The following ASCC1 variants were observed in gnomAD, a reference collection of about 807,000 sequenced individuals.
ASCC1 encodes the protein ASC-1 complex subunit P50.
ASCC1 carries 35 observed loss-of-function variants against 46.6 expected under a neutral mutation model. The observed-to-expected ratio is 0.75, with a 90% CI of 0.57 to 0.99. The LOEUF (loss-of-function observed/expected upper bound fraction) is 0.99, where lower values mean the gene tolerates loss of function less well. Ranked by LOEUF, ASCC1 falls within the 50% of genes least tolerant of loss-of-function variation. The pLI, the probability that ASCC1 is intolerant of heterozygous loss-of-function variation, is 0.00. For missense variants in ASCC1, 376 were observed against 428.7 expected (o/e 0.88, Z 1.09); for synonymous variants, 143 against 146.6 (o/e 0.98, Z 0.18).
chr10:72,118,680 G>A (rs1276715051), intron 9 of ASCC1, among the ~76,000 whole-genome samples: 3 of 151,866 alleles, frequency 2.0e-5, no homozygotes, highest in Non-Finnish European at 2.9e-5. Context: ...TCAGGATGCT[G>A]AGGCAGGAGA....
chr10:72,156,452 G>T (rs1848969676), intron 6 of ASCC1, among the ~76,000 whole-genome samples: 1 of 152,184 alleles, frequency 6.6e-6, no homozygotes, highest in Non-Finnish European at 1.5e-5. Flanking sequence ...AAGTAAAAAT[G>T]TGGTACTGCC....
intron 5 of ASCC1, among the ~76,000 whole-genome samples, chr10:72,184,504 T>C (rs1202084757): frequency 1.3e-5 from 2 of 152,108 alleles, no homozygotes; most frequent in African/African-American, 4.8e-5. Flanking sequence ...AAAAGAAGGT[T>C]AGAATGGTTA....
rs1252612826 is a variant in ASCC1 at position 72,096,211 on chromosome 10, G to C, written c.*1123C>G. 6 of 454,046 alleles carry C rather than the reference G, an allele frequency of 1.3e-5. No individual in the cohort carries two copies. Among genetic ancestry groups the C allele is most frequent in the Non-Finnish European group, 2.6e-5 (6 of 226,806 alleles). The allele number at this position is 454,046 out of a possible 1,614,324, so 28.1% of individuals were successfully genotyped here. On this transcript the variant is annotated 3_prime_UTR_variant, in exon 10 of 10. Transcript: ENST00000672957. ...GGAGAAGAAGGAGAGGACATGGAGG[G>C]AGGAAGAATGTGAGGAGGCAGGGGT...
At chr10:72,185,172 T>C (rs1326530913) in intron 5 of ASCC1, among the ~76,000 whole-genome samples, 2 of 152,202 alleles carry the variant, frequency 1.3e-5, no homozygotes, top group Admixed American at 6.5e-5. Context: ...CACACATCAT[T>C]TGTAGCAGTG....
chr10:72,106,984 C>G (rs990670097), intron 9 of ASCC1, among the ~76,000 whole-genome samples: 1 of 152,102 alleles, frequency 6.6e-6, no homozygotes, highest in African/African-American at 2.4e-5. Flanking sequence ...TGTGCATATA[C>G]AACCAGATAG....
intron 2 of ASCC1, among the ~76,000 whole-genome samples, chr10:72,211,446 G>C (rs550784517): frequency 1.3e-5 from 2 of 152,216 alleles, no homozygotes; most frequent in Admixed American, 1.3e-4. Flanking sequence ...AAGATTAGCT[G>C]GGCATGATGG....
At chr10:72,134,823 G>A (rs1846002945) in intron 7 of ASCC1, among the ~76,000 whole-genome samples, 1 of 151,926 alleles carries the variant, frequency 6.6e-6, no homozygotes, top group Non-Finnish European at 1.5e-5. Context: ...TTACAAGGGG[G>A]AAAAAAGGAA....
In ASCC1 at chr10:72,140,233, T is replaced by C. The variant is rs1268625303; in HGVS notation, c.747-7052A>G. ...AAAGGATGGCAAGAGGAAAGAGAAA[T>C]AGCATTTGGACAAAAGAGGAGTAAT... On this transcript the variant is annotated intron_variant, in intron 7 of 9. Coordinates refer to ENST00000672957, the MANE Select transcript of ASCC1 (RefSeq NM_001198800.3). 2.6e-5 allele frequency among the ~76,000 whole-genome samples: 4 copies of C among 152,116 alleles called. No individual in the cohort carries two copies. The East Asian group carries it at 7.7e-4, about 29-fold the overall frequency.
intron 9 of ASCC1, among the ~76,000 whole-genome samples, chr10:72,114,053 AT>A (rs1219758422): frequency 1.3e-5 from 2 of 152,232 alleles, no homozygotes; most frequent in African/African-American, 4.8e-5. Context: ...TAAGGCATAA[AT>A]GAAGCTGCCT....
At chr10:72,149,176 T>C (rs570387770) in intron 7 of ASCC1, among the ~76,000 whole-genome samples, 10 of 151,454 alleles carry the variant, frequency 6.6e-5, no homozygotes, top group East Asian at 1.9e-4. Context: ...CGGTGGCTCA[T>C]GCCTGTAATC....
At chr10:72,186,948 A>AG (rs1491166361) in intron 5 of ASCC1, among the ~76,000 whole-genome samples, 3 of 137,182 alleles carry the variant, frequency 2.2e-5, no homozygotes, top group Non-Finnish European at 4.5e-5. Context: ...GCACATGCCC[A>AG]GAAAAAAAAA....
chr10:72,210,942 T>A (rs1858000223), intron 2 of ASCC1, 111 bp from the exon 3 acceptor site: 7 of 897,122 alleles, frequency 7.8e-6, no homozygotes, highest in South Asian at 2.8e-5. Context: ...TACACAGGCA[T>A]AAAGAACAGC....
rs769084089 is a variant in ASCC1 at position 72,166,501 on chromosome 10, CA to C, written c.490-4828del. Among the ~76,000 whole-genome samples the C allele has an allele frequency of 7.9e-5, 9 of 113,520 alleles. No homozygotes were observed. In the East Asian group the frequency reaches 1.4e-3, roughly 18 times the overall value. 74.5% of individuals were successfully genotyped at this position (113,520 alleles called of 152,430 possible). A position where few individuals can be genotyped will look rare whatever the true frequency, so the allele number is the denominator to read the frequency against. On this transcript the variant is annotated intron_variant, in intron 5 of 9. Coordinates refer to ENST00000672957, the MANE Select transcript of ASCC1 (RefSeq NM_001198800.3). ...AACATAATTGAGTTTTTTTTCTCTA[CA>C]AAAAAAAAACAAAACCCACAATATC...
intron 7 of ASCC1, among the ~76,000 whole-genome samples, chr10:72,144,605 T>C (rs1847419538): frequency 1.3e-5 from 2 of 152,174 alleles, no homozygotes; most frequent in African/African-American, 4.8e-5. Flanking sequence ...CTGTCTCTAC[T>C]TGTTTGGAAT....
At chr10:72,127,509 CTT>C (rs1483403925) in intron 9 of ASCC1, among the ~76,000 whole-genome samples, 1 of 152,084 alleles carries the variant, frequency 6.6e-6, no homozygotes, top group African/African-American at 2.4e-5. Flanking sequence ...CAGAGATTGA[CTT>C]TGTGGGTAAA....
In ASCC1 at chr10:72,213,212, T is replaced by C; in HGVS notation, c.87A>G (p.Glu29=). The C allele has an allele frequency of 6.2e-7, 1 of 1,613,510 alleles. No individual in the cohort carries two copies. The highest frequency in any genetic ancestry group is 8.5e-7 in the Non-Finnish European group (1 of 1,179,512). ...CTTGATAGAAGTCCTCTTCATCTTC[T>C]TCATGTTGATAGGTCTGTTCTTGGA... The part of the protein sequence containing the change: ...NPVQEQTYQH[E]EDEEDFYQGS... Residue 29 remains glutamate (E), a synonymous_variant, in exon 2 of 10, where the codon GAA becomes GAG. Transcript: ENST00000672957.
At chr10:72,129,568 G>A (rs777939741) in intron 8 of ASCC1, among the ~76,000 whole-genome samples, 15 of 152,072 alleles carry the variant, frequency 9.9e-5, no homozygotes, top group Non-Finnish European at 1.6e-4. Context: ...TTGGGAGGCC[G>A]GGACAGGTGG....
At chr10:72,119,435 G>A (rs1843910081) in intron 9 of ASCC1, among the ~76,000 whole-genome samples, 1 of 152,090 alleles carries the variant, frequency 6.6e-6, no homozygotes, top group African/African-American at 2.4e-5. Flanking sequence ...AGCCCTAGTG[G>A]GCACTAACCT....
At chr10:72,171,647 C>T (rs897391399) in intron 5 of ASCC1, among the ~76,000 whole-genome samples, 1 of 152,264 alleles carries the variant, frequency 6.6e-6, no homozygotes, top group Admixed American at 6.5e-5. Context: ...GAACTCCTGA[C>T]CTCAAGTGAT....
Sources: gnomAD v4.1 joint callset for allele counts (sites outside exome capture counted in the v4.1 genomes callset) on GRCh38, gnomAD v4.1.1 for gene constraint, MANE v1.5 for transcripts, NCBI Gene and HGNC (gene_info 2026-07-23, HGNC 2026-07-21) for gene names.